Variants in CLPB observed in about 807,000 individuals in gnomAD.
CLPB encodes the protein ClpB family mitochondrial disaggregase.
CLPB carries 40 observed loss-of-function variants against 78.4 expected under a neutral mutation model. The ratio of observed to expected loss-of-function variants is 0.51; its 90% confidence interval spans 0.40 to 0.66. The LOEUF (loss-of-function observed/expected upper bound fraction) is 0.66, where lower values mean the gene tolerates loss of function less well. Ranked by LOEUF, CLPB falls within the 30% of genes least tolerant of loss-of-function variation. The pLI, the probability that CLPB is intolerant of heterozygous loss-of-function variation, is 0.00. For missense variants in CLPB, 780 were observed against 886.9 expected (o/e 0.88, Z 1.53); for synonymous variants, 333 against 348.0 (o/e 0.96, Z 0.48).
chr11:72,372,072 T>C (rs1951052723), intron 4 of CLPB, among the ~76,000 whole-genome samples: 1 of 152,228 alleles, frequency 6.6e-6, no homozygotes, highest in Admixed American at 6.5e-5. Context: ...GTAGGAAATA[T>C]TATTCTCTAC....
chr11:72,313,623 G>A (rs569379517), intron 7 of CLPB, among the ~76,000 whole-genome samples: 18 of 152,170 alleles, frequency 1.2e-4, no homozygotes, highest in Non-Finnish European at 2.1e-4. Context: ...CCCAGGGAAC[G>A]AGCCCTGAAT....
intron 4 of CLPB, among the ~76,000 whole-genome samples, chr11:72,368,699 T>C (rs1177921028): frequency 4.6e-5 from 7 of 152,222 alleles, no homozygotes; most frequent in Non-Finnish European, 1.0e-4. Context: ...ACTTCTTTAG[T>C]GAATGGATGT....
chr11:72,337,225 TA>T (rs1470007409), intron 5 of CLPB: 3 of 397,930 alleles, frequency 7.5e-6, no homozygotes, highest in Non-Finnish European at 8.9e-6. Flanking sequence ...GCTTTTTCTA[TA>T]AACCACACCA....
intron 2 of CLPB, among the ~76,000 whole-genome samples, chr11:72,425,758 C>T (rs1590935083): frequency 6.6e-6 from 1 of 152,210 alleles, no homozygotes; most frequent in South Asian, 2.1e-4. Flanking sequence ...CCCCAGGCTG[C>T]TCCTTGCCTT....
chr11:72,428,393 G>A (rs1303453913), intron 2 of CLPB, among the ~76,000 whole-genome samples: 3 of 152,190 alleles, frequency 2.0e-5, no homozygotes, highest in Admixed American at 6.6e-5. Flanking sequence ...TACAGAGTAA[G>A]AGTTCAAAAC....
Position 72,378,579 on chromosome 11 carries a change from G to T in CLPB, c.646+1702C>A, listed in dbSNP as rs549596859. Reference sequence around the variant, plus strand: ...GCCACAACACGTGGGAATTCTGGGAGATAAATTCAAGTTGAGATTTGAATA... The same window carrying T: ...GCCACAACACGTGGGAATTCTGGGATATAAATTCAAGTTGAGATTTGAATA... On this transcript the variant is annotated intron_variant, in intron 4 of 15. Transcript: ENST00000538039. Among the ~76,000 whole-genome samples the T allele has an allele frequency of 3.9e-5, 6 of 152,318 alleles. No homozygotes were observed. The South Asian group carries it at 1.0e-3, about 26-fold the overall frequency.
At position 72,417,487 on chromosome 11, in the gene CLPB, G is replaced by A. The variant is rs960038243; in HGVS notation, c.455+12825C>T. Among the ~76,000 whole-genome samples the A allele has an allele frequency of 6.6e-5, 10 of 152,272 alleles. No individual in the cohort carries two copies. The East Asian group carries it at 1.7e-3, about 26-fold the overall frequency. ...AACCAGAGTTTTCTGAGGGTCCGGG[G>A]TGGGGTGGGAGAGTGATAGAACATT... On this transcript the variant is annotated intron_variant, in intron 2 of 15. Transcript: ENST00000538039.
Position 72,295,568 on chromosome 11 carries a change from G to A in CLPB, c.1410C>T (p.Asp470=), listed in dbSNP as rs768419698. The change falls in exon 12 of 16, where the codon GAC becomes GAT. Residue 470 remains aspartate (D), a synonymous_variant. Coordinates refer to ENST00000538039, the MANE Select transcript of CLPB (RefSeq NM_001258392.3). ...GCTGCAGCGCGTGCTGTGCGATCTC[G>A]TCGCTGGCCACATTGGAGGTCATGA... ...IFIMTSNVAS[D]EIAQHALQLR... 20 of 1,614,156 alleles carry A rather than the reference G, an allele frequency of 1.2e-5. No individual in the cohort carries two copies. The highest frequency in any genetic ancestry group is 1.2e-4 in the South Asian group (11 of 91,072).
At chr11:72,428,966 T>G (rs1455387227) in intron 2 of CLPB, 1 of 152,248 alleles carries the variant, frequency 6.6e-6, no homozygotes, top group African/African-American at 2.4e-5. Flanking sequence ...ATTGCTGCTC[T>G]GCAAATGCCC....
chr11:72,344,667 C>T (rs1409169390), intron 5 of CLPB, among the ~76,000 whole-genome samples: 1 of 152,200 alleles, frequency 6.6e-6, no homozygotes, highest in Non-Finnish European at 1.5e-5. Context: ...TAAAAAACAG[C>T]TCCGATTTGT....
chr11:72,367,644 A>C (rs1950968936), intron 4 of CLPB, among the ~76,000 whole-genome samples: 1 of 152,076 alleles, frequency 6.6e-6, no homozygotes, highest in Non-Finnish European at 1.5e-5. Flanking sequence ...GGGTTGAAAA[A>C]CTATTGGATA....
intron 4 of CLPB, chr11:72,363,266 A>T (rs1278991919): frequency 6.6e-6 from 1 of 152,264 alleles, no homozygotes; most frequent in South Asian, 2.1e-4. Flanking sequence ...CTGAGTTAAG[A>T]GTCATCTGTT....
At chr11:72,416,867 T>C (rs1378442260) in intron 2 of CLPB, among the ~76,000 whole-genome samples, 2 of 151,866 alleles carry the variant, frequency 1.3e-5, no homozygotes, top group African/African-American at 4.8e-5. Flanking sequence ...CACAATGAGA[T>C]ACCACTCCAC....
chr11:72,434,239 T>G lies in CLPB; in HGVS notation c.236A>C (p.Asp79Ala). 6.2e-7 allele frequency: 1 copy of G among 1,613,572 alleles called. No homozygotes were observed. Among genetic ancestry groups the G allele is most frequent in the Non-Finnish European group, 8.5e-7 (1 of 1,179,960 alleles). The stretch of plus-strand genomic sequence containing the variant: ...AGTGGCAGCCGCGAGGCATTTGGTA[T>G]CGAAGCGTCCTCCCTGGCGCCCCCC... ...ATGGRQGGRF[D>A]TKCLAAATWG... Residue 79 changes from aspartate to alanine, a missense_variant, in exon 1 of 16, where the codon GAT (aspartate) becomes GCT (alanine). Asp to Ala is a moderately radical substitution (Grantham distance 126, BLOSUM62 -2). Coordinates refer to ENST00000538039, the MANE Select transcript of CLPB (RefSeq NM_001258392.3).
intron 5 of CLPB, among the ~76,000 whole-genome samples, chr11:72,334,146 C>G (rs921783766): frequency 6.6e-6 from 1 of 152,178 alleles, no homozygotes; most frequent in Non-Finnish European, 1.5e-5. Context: ...TGTCAGTGAT[C>G]TATATTTGCT....
Position 72,358,894 on chromosome 11 carries a change from T to G in CLPB, c.761A>C (p.Glu254Ala), listed in dbSNP as rs530851572. The G allele has an allele frequency of 1.0e-5, 15 of 1,474,782 alleles. No homozygotes were observed. In the East Asian group the frequency reaches 4.5e-4, roughly 45 times the overall value. 91.4% of individuals were successfully genotyped at this position (1,474,782 alleles called of 1,614,324 possible). Residue 254 changes from glutamate to alanine, a missense_variant, in exon 5 of 16, where the codon GAG (glutamate) becomes GCG (alanine). Glu to Ala is a moderately radical substitution (Grantham distance 107). Around this residue, in one of 3 missense-constraint regions of CLPB, gnomAD observed 417 missense variants for 414.7 expected, o/e 1.01. Transcript: ENST00000538039. ...VLADDYRTVK[E>A]LLDGGANPLQ... ...TCTGCTCTCACCTCCATCAAGCAGC[T>G]CCTTGACAGTGCGGTAGTCATCAGC...
At position 72,380,279 on chromosome 11, in the gene CLPB, AC is replaced by A. The variant is rs1312781130; in HGVS notation, c.646+1del. 2.5e-6 allele frequency: 4 copies of A among 1,610,500 alleles called. No homozygotes were observed. In the African/African-American group the frequency reaches 5.3e-5, roughly 21 times the overall value. ...CAGAGAAGCAGGACAGCCCACACTT[AC>A]CTTCCAAAGAATGGATTCCCTGTTC... On this transcript the variant is annotated splice_donor_variant, in intron 4 of 15. Coordinates refer to ENST00000538039, the MANE Select transcript of CLPB (RefSeq NM_001258392.3). LOFTEE classifies it high-confidence loss of function.
intron 5 of CLPB, among the ~76,000 whole-genome samples, chr11:72,349,203 G>A (rs776940123): frequency 2.6e-5 from 4 of 152,150 alleles, no homozygotes; most frequent in African/African-American, 4.8e-5. Flanking sequence ...AGCTCAGTAC[G>A]GGGGAAGGGC....
At chr11:72,410,238 A>G (rs1286141997) in intron 2 of CLPB, among the ~76,000 whole-genome samples, 1 of 152,108 alleles carries the variant, frequency 6.6e-6, no homozygotes, top group Non-Finnish European at 1.5e-5. Flanking sequence ...CTCAAAAAAA[A>G]CAAAACAAAC....
Sources: gnomAD v4.1 joint callset for allele counts (sites outside exome capture counted in the v4.1 genomes callset) on GRCh38, gnomAD v4.1.1 for gene constraint, gnomAD v4.1.1 regional missense constraint, MANE v1.5 for transcripts, NCBI Gene and HGNC (gene_info 2026-07-23, HGNC 2026-07-21) for gene names.